The following CYRIB variants were observed in gnomAD, a reference collection of about 807,000 sequenced individuals.
CYRIB encodes CYFIP-related Rac1 interactor B.
In CYRIB, 8 loss-of-function variants were observed where a neutral mutation model predicts 44.2. The ratio of observed to expected loss-of-function variants is 0.18; its 90% CI spans 0.11 to 0.33. The LOEUF (loss-of-function observed/expected upper bound fraction) is 0.33, where lower values mean the gene tolerates loss of function less well. Ranked by LOEUF, CYRIB falls within the 10% of genes least tolerant of loss-of-function variation. The probability of loss-of-function intolerance (pLI) is 1.00; values close to 1 mark genes in which losing one functional copy is unlikely to be tolerated. For missense variants in CYRIB, 185 were observed against 382.8 expected (o/e 0.48, Z 4.31); for synonymous variants, 131 against 127.2 (o/e 1.03, Z -0.20).
At chr8:129,914,150 T>C (rs927992366) in intron 1 of CYRIB, among the ~76,000 whole-genome samples, 2 of 152,242 alleles carry the variant, frequency 1.3e-5, no homozygotes, top group South Asian at 2.1e-4. Flanking sequence ...TGAGATACTT[T>C]TTTTTTAAAT....
At chr8:130,006,278 G>A (rs186624247) in intron 1 of CYRIB, among the ~76,000 whole-genome samples, 101 of 151,784 alleles carry the variant, frequency 6.7e-4, no homozygotes, top group Admixed American at 1.5e-3. Flanking sequence ...ACTCCAGCTT[G>A]GGTGACAAAG....
chr8:129,937,309 G>C (rs532854729), intron 1 of CYRIB, among the ~76,000 whole-genome samples: 20 of 152,310 alleles, frequency 1.3e-4, no homozygotes, highest in Middle Eastern at 3.4e-3. Context: ...AAAATTGTAG[G>C]TTCTCACAGT....
intron 2 of CYRIB, among the ~76,000 whole-genome samples, chr8:129,953,592 GCGGCCACA>G: frequency 6.6e-6 from 1 of 152,316 alleles, no homozygotes; most frequent in Non-Finnish European, 1.5e-5. Flanking sequence ...CAGGACGGTA[GCGGCCACA>G]CTATTTTGTC....
intron 1 of CYRIB, among the ~76,000 whole-genome samples, chr8:129,989,001 A>G (rs553829728): frequency 1.3e-5 from 2 of 152,192 alleles, no homozygotes; most frequent in Non-Finnish European, 2.9e-5. Context: ...TCAAGAAGCG[A>G]AATCACCGTC....
intron 1 of CYRIB, among the ~76,000 whole-genome samples, chr8:130,013,190 A>G (rs80125562): frequency 1.3e-3 from 194 of 152,298 alleles, no homozygotes; most frequent in Non-Finnish European, 2.3e-3. Flanking sequence ...GGGGTGTGCA[A>G]TGGGAACAGG....
At chr8:129,902,903 T>C (rs1003978688) in intron 2 of CYRIB, 3 of 152,460 alleles carry the variant, frequency 2.0e-5, no homozygotes, top group Admixed American at 2.0e-4. Flanking sequence ...CCAAAACCAG[T>C]AACAGATAGA....
intron 1 of CYRIB, among the ~76,000 whole-genome samples, chr8:129,990,179 C>T (rs1219850809): frequency 6.6e-6 from 1 of 152,122 alleles, no homozygotes; most frequent in African/African-American, 2.4e-5. Flanking sequence ...ACAGTGTGGG[C>T]ACCAAGTAGG....
intron 4 of CYRIB, among the ~76,000 whole-genome samples, chr8:129,866,385 A>G (rs1413169206): frequency 6.6e-6 from 1 of 152,158 alleles, no homozygotes; most frequent in Non-Finnish European, 1.5e-5. Flanking sequence ...TCTATGGACT[A>G]ATTTTTCTCC....
At chr8:129,879,852 C>T (rs1168720148) in intron 2 of CYRIB, 1 of 160,394 alleles carries the variant, frequency 6.2e-6, no homozygotes, top group Non-Finnish European at 1.4e-5. Flanking sequence ...AGCACTGAAA[C>T]AACAATTTAT....
intron 1 of CYRIB, among the ~76,000 whole-genome samples, chr8:129,925,146 C>T (rs774808479): frequency 6.5e-4 from 99 of 152,242 alleles, no homozygotes; most frequent in Non-Finnish European, 1.3e-3. Flanking sequence ...AGCTGTAATC[C>T]CAGCACTTTG....
chr8:130,007,847 T>C (rs1335314242), intron 1 of CYRIB, among the ~76,000 whole-genome samples: 1 of 151,876 alleles, frequency 6.6e-6, no homozygotes, highest in East Asian at 1.9e-4. Context: ...AGAAAGTTAA[T>C]ATTGCCATAA....
At chr8:129,850,530 C>A in intron 9 of CYRIB, 1 of 341,696 alleles carries the variant, frequency 2.9e-6, no homozygotes, top group Non-Finnish European at 5.3e-6. Context: ...AAGTTCTTCT[C>A]CTACATCCCA....
chr8:129,990,170 C>T (rs1185800552), intron 1 of CYRIB, among the ~76,000 whole-genome samples: 1 of 152,142 alleles, frequency 6.6e-6, no homozygotes, highest in African/African-American at 2.4e-5. Context: ...GTGCCCAGCA[C>T]AGTGTGGGCA....
At chr8:129,933,878 TCA>T (rs925556875) in intron 1 of CYRIB, among the ~76,000 whole-genome samples, 3 of 146,306 alleles carry the variant, frequency 2.1e-5, no homozygotes, top group African/African-American at 7.7e-5. Context: ...TAAGACTCTG[TCA>T]CACACACAAA....
At chr8:129,924,450 T>G (rs928820856) in intron 1 of CYRIB, among the ~76,000 whole-genome samples, 4 of 152,100 alleles carry the variant, frequency 2.6e-5, no homozygotes, top group Non-Finnish European at 5.9e-5. Flanking sequence ...GAGCACATTC[T>G]TCGAAAAATT....
At chr8:129,892,892 CA>C (rs2066089356) in intron 2 of CYRIB, among the ~76,000 whole-genome samples, 1 of 152,250 alleles carries the variant, frequency 6.6e-6, no homozygotes, top group Non-Finnish European at 1.5e-5. Flanking sequence ...GTTATTTATA[CA>C]GGGGGAGACA....
chr8:130,002,080 T>C (rs2096920587), intron 1 of CYRIB, among the ~76,000 whole-genome samples: 3 of 152,342 alleles, frequency 2.0e-5, no homozygotes, highest in Admixed American at 2.0e-4. Context: ...ATTGAACTGT[T>C]TTTGTTGTAT....
chr8:129,938,399 G>A (rs137874920), intron 1 of CYRIB, among the ~76,000 whole-genome samples: 85 of 152,296 alleles, frequency 5.6e-4, no homozygotes, highest in African/African-American at 1.6e-3. Flanking sequence ...TTGGAATGCC[G>A]ATCTCCCACA....
intron 1 of CYRIB, among the ~76,000 whole-genome samples, chr8:129,927,344 A>G (rs145740270): frequency 1.1e-3 from 173 of 152,312 alleles, no homozygotes; most frequent in African/African-American, 3.3e-3. Flanking sequence ...TGAGAAGTAA[A>G]TTCCATTTAA....
Sources: allele counts gnomAD v4.1 joint callset (sites outside exome capture counted in the v4.1 genomes callset), GRCh38; gene constraint gnomAD v4.1.1; transcripts MANE v1.5; gene names NCBI Gene and HGNC (gene_info 2026-07-23, HGNC 2026-07-21).